The following PTPRD variants were observed in gnomAD, a reference collection of about 807,000 sequenced individuals.
PTPRD encodes protein tyrosine phosphatase receptor type D, also known as receptor-type tyrosine-protein phosphatase delta.
Under a neutral mutation model 214.5 loss-of-function variants are expected in PTPRD, and 34 were observed. The observed-to-expected ratio is 0.16, with a 90% confidence interval of 0.12 to 0.21. The LOEUF is 0.21. Among genes scored for constraint, PTPRD ranks in the 10% least tolerant of loss-of-function variants. The probability of loss-of-function intolerance (pLI) is 1.00; values close to 1 mark genes in which losing one functional copy is unlikely to be tolerated. For missense variants in PTPRD, 2,545 were observed against 2,398.7 expected (o/e 1.06, Z -1.27); for synonymous variants, 1,128 against 845.7 (o/e 1.33, Z -5.79).
chr9:8,527,429 T>A, intron 15 of PTPRD, 76 bp from the exon 16 acceptor site: 2 of 1,428,434 alleles, frequency 1.4e-6, no homozygotes, highest in Non-Finnish European at 9.7e-7. Context: ...GTACAAATTT[T>A]TCAGAGTTAA....
intron 7 of PTPRD, among the ~76,000 whole-genome samples, chr9:9,732,984 G>A (rs1158851497): frequency 6.6e-6 from 1 of 151,854 alleles, no homozygotes; most frequent in South Asian, 2.1e-4. Flanking sequence ...AAATATGTAG[G>A]ACTGAATTCA....
intron 11 of PTPRD, among the ~76,000 whole-genome samples, chr9:8,806,853 G>C (rs554531628): frequency 6.6e-6 from 1 of 152,154 alleles, no homozygotes; most frequent in Non-Finnish European, 1.5e-5. Flanking sequence ...ACTGTACTAA[G>C]ATTTACTATA....
intron 4 of PTPRD, among the ~76,000 whole-genome samples, chr9:10,011,334 C>T: frequency 6.6e-6 from 1 of 151,834 alleles, no homozygotes; most frequent in Non-Finnish European, 1.5e-5. Flanking sequence ...ATTTTCTTTT[C>T]CTTGGTAGTT....
chr9:9,864,339 A>C (rs923505272), intron 5 of PTPRD, among the ~76,000 whole-genome samples: 1 of 151,736 alleles, frequency 6.6e-6, no homozygotes, highest in African/African-American at 2.4e-5. Flanking sequence ...TAAAAAAAAA[A>C]AAAGTTTTGT....
chr9:9,635,726 C>A (rs1442644577), intron 7 of PTPRD, among the ~76,000 whole-genome samples: 1 of 152,118 alleles, frequency 6.6e-6, no homozygotes, highest in Non-Finnish European at 1.5e-5. Flanking sequence ...AGCCTGAAAC[C>A]CAGAAGTCAT....
At chr9:9,643,187 A>C (rs974797248) in intron 7 of PTPRD, among the ~76,000 whole-genome samples, 158 of 152,286 alleles carry the variant, frequency 1.0e-3, no homozygotes, top group African/African-American at 3.7e-3. Flanking sequence ...CACAGTTTAG[A>C]ATGTCCTTTG....
intron 2 of PTPRD, among the ~76,000 whole-genome samples, chr9:10,529,189 T>C (rs1464519737): frequency 6.6e-6 from 1 of 152,136 alleles, no homozygotes; most frequent in Non-Finnish European, 1.5e-5. Context: ...GAACCAGAAA[T>C]ACCATTTGAT....
chr9:8,488,472 G>C (rs1225746746), intron 27 of PTPRD, among the ~76,000 whole-genome samples: 1 of 152,148 alleles, frequency 6.6e-6, no homozygotes, highest in Non-Finnish European at 1.5e-5. Context: ...AAACATGTGT[G>C]TTGTGTTGTA....
chr9:8,319,787 A>C (rs1381508071), intron 45 of PTPRD, 44 bp downstream of exon 45: 1 of 1,609,004 alleles, frequency 6.2e-7, no homozygotes, highest in East Asian at 2.2e-5. Context: ...AGGCTAGCAA[A>C]ACGTAGGCTC....
chr9:10,272,671 A>G (rs2094485170), intron 3 of PTPRD, among the ~76,000 whole-genome samples: 1 of 152,214 alleles, frequency 6.6e-6, no homozygotes. Flanking sequence ...CCATTTCACA[A>G]ATCCCCCTAG....
chr9:9,973,583 C>A (rs1191224187), intron 4 of PTPRD, among the ~76,000 whole-genome samples: 1 of 152,118 alleles, frequency 6.6e-6, no homozygotes, highest in Non-Finnish European at 1.5e-5. Context: ...CTAAAACTAA[C>A]TTTCTTCGCT....
chr9:9,463,470 G>A (rs1424416788), intron 8 of PTPRD, among the ~76,000 whole-genome samples: 1 of 152,026 alleles, frequency 6.6e-6, no homozygotes, highest in Non-Finnish European at 1.5e-5. Flanking sequence ...GCACATATGA[G>A]CAAGCTGGAG....
intron 9 of PTPRD, among the ~76,000 whole-genome samples, chr9:9,225,169 G>A (rs1211536261): frequency 6.6e-6 from 1 of 151,972 alleles, no homozygotes; most frequent in Non-Finnish European, 1.5e-5. Flanking sequence ...AGCAGAAGGG[G>A]AAGGCTGAAC....
rs146270926 is a variant in PTPRD, at chr9:10,154,656, A to G, written c.-544-120866T>C. Among the ~76,000 whole-genome samples, 723 of 152,170 alleles carry G rather than the reference A, an allele frequency of 4.8e-3. 2 individuals are homozygous for G. The highest frequency in any genetic ancestry group is 7.3e-3 in the Non-Finnish European group (498 of 67,968). On this transcript the variant is annotated intron_variant, in intron 3 of 45. Transcript: ENST00000381196. ...ACTTTTCTATATGGGGTCCAGTTTC[A>G]GTCTTCTGCATATAGCTAGCTAGCT...
intron 11 of PTPRD, among the ~76,000 whole-genome samples, chr9:8,738,101 T>C (rs991736375): frequency 2.0e-5 from 3 of 152,212 alleles, no homozygotes; most frequent in African/African-American, 7.2e-5. Flanking sequence ...TCCAATTAAC[T>C]GAATTGTATA....
At chr9:8,369,014 A>G (rs1357310487) in intron 39 of PTPRD, among the ~76,000 whole-genome samples, 3 of 152,102 alleles carry the variant, frequency 2.0e-5, no homozygotes, top group Admixed American at 6.6e-5. Context: ...AGCATCTCCT[A>G]TTCCGTAATT....
At chr9:9,552,724 G>C (rs1048545784) in intron 8 of PTPRD, among the ~76,000 whole-genome samples, 2 of 152,050 alleles carry the variant, frequency 1.3e-5, no homozygotes, top group African/African-American at 2.4e-5. Context: ...AGACTTTAGA[G>C]ATTTCTGCAT....
intron 7 of PTPRD, among the ~76,000 whole-genome samples, chr9:9,618,842 G>C (rs1417341592): frequency 1.3e-5 from 2 of 152,040 alleles, no homozygotes; most frequent in Admixed American, 1.3e-4. Context: ...ATAATGTATA[G>C]AAAGAAAGGC....
intron 8 of PTPRD, among the ~76,000 whole-genome samples, chr9:9,531,087 C>T (rs1000970073): frequency 3.3e-5 from 5 of 152,120 alleles, no homozygotes; most frequent in African/African-American, 7.2e-5. Context: ...ATGTACACCC[C>T]AAATGCCTTG....
Sources: allele counts gnomAD v4.1 joint callset (sites outside exome capture counted in the v4.1 genomes callset), GRCh38; gene constraint gnomAD v4.1.1; transcripts MANE v1.5; gene names NCBI Gene and HGNC (gene_info 2026-07-23, HGNC 2026-07-21).